MAP3K5: variants seen among roughly 807,000 people sequenced by gnomAD.
The protein encoded by MAP3K5 is mitogen-activated protein kinase kinase kinase 5.
Under a neutral mutation model 158.7 loss-of-function variants are expected in MAP3K5, and 56 were observed. That is an observed-to-expected ratio of 0.35 (90% confidence interval 0.28 to 0.44). MAP3K5 has a LOEUF of 0.44. Ranked by LOEUF, MAP3K5 falls within the 20% of genes least tolerant of loss-of-function variation. MAP3K5 has a pLI of 1.00. For missense variants in MAP3K5, 1,294 were observed against 1,674.8 expected, an observed-to-expected ratio of 0.77 and a Z score of 3.97; for synonymous variants, 579 against 601.7, an observed-to-expected ratio of 0.96 and a Z score of 0.55.
At chr6:136,756,441 A>G (rs899029451) in intron 1 of MAP3K5, among the ~76,000 whole-genome samples, 2 of 151,988 alleles carry the variant, frequency 1.3e-5, no homozygotes, top group African/African-American at 4.8e-5. Context: ...CCTTAAGGGT[A>G]TTGCCTTTTT....
At chr6:136,736,269 T>C (rs1468458681) in intron 1 of MAP3K5, among the ~76,000 whole-genome samples, 1 of 152,196 alleles carries the variant, frequency 6.6e-6, no homozygotes, top group Admixed American at 6.5e-5. Flanking sequence ...ATTCAACATC[T>C]CTAAAAGAGG....
chr6:136,737,031 G>GAGTATATATA (rs1782494312), intron 1 of MAP3K5, among the ~76,000 whole-genome samples: 1 of 67,446 alleles, frequency 1.5e-5, no homozygotes. Context: ...ATATATATAT[G>GAGTATATATA]TGTGTGTATA....
chr6:136,685,783 A>G (rs570140980), intron 7 of MAP3K5, among the ~76,000 whole-genome samples: 2 of 152,134 alleles, frequency 1.3e-5, no homozygotes, highest in South Asian at 2.1e-4. Flanking sequence ...GACTCAAAAG[A>G]AAAAAACAAG....
At position 136,609,465 on chromosome 6, in the gene MAP3K5, G is replaced by C. The variant is rs1371820636; in HGVS notation, c.2521+1817C>G. Among the ~76,000 whole-genome samples, 1 of 152,062 alleles carries C rather than the reference G, an allele frequency of 6.6e-6. No individual in the cohort carries two copies. The highest frequency in any genetic ancestry group is 6.6e-5 in the Admixed American group (1 of 15,256). ...TAGAGAGAAAGATGGACTAGAGCCA[G>C]AAGGTAAAAGCAAAGAGCAAACAGT... is the stretch of plus-strand genomic sequence containing the variant. On this transcript the variant is annotated intron_variant, in intron 18 of 29. Transcript: ENST00000359015. The surrounding 1 kb of genome is among the most constrained non-coding windows in gnomAD (Gnocchi z 4.4).
intron 3 of MAP3K5, among the ~76,000 whole-genome samples, chr6:136,703,559 A>G (rs1041553841): frequency 3.9e-5 from 6 of 152,244 alleles, no homozygotes; most frequent in African/African-American, 1.4e-4. Context: ...GCGCATGTCC[A>G]ATCAGTATTT....
At chr6:136,644,872 A>G (rs1235486735) in intron 11 of MAP3K5, among the ~76,000 whole-genome samples, 2 of 152,180 alleles carry the variant, frequency 1.3e-5, no homozygotes, top group Non-Finnish European at 2.9e-5. Flanking sequence ...TAAGAACATG[A>G]GACTAACACC....
At chr6:136,702,882 G>C (rs1223753612) in intron 3 of MAP3K5, among the ~76,000 whole-genome samples, 3 of 152,096 alleles carry the variant, frequency 2.0e-5, no homozygotes, top group African/African-American at 7.2e-5. Context: ...TTTTAGTAGA[G>C]ACAGGGTTTC....
At chr6:136,588,338 C>T (rs1775229802) in intron 23 of MAP3K5, among the ~76,000 whole-genome samples, 1 of 152,186 alleles carries the variant, frequency 6.6e-6, no homozygotes, top group Non-Finnish European at 1.5e-5. Flanking sequence ...CGGCAAACTA[C>T]TCAAGTCCTC....
At chr6:136,600,881 C>T (rs1775842462) in intron 21 of MAP3K5, 141 bp downstream of exon 21, 1 of 734,178 alleles carries the variant, frequency 1.4e-6, no homozygotes, top group Non-Finnish European at 2.3e-6. Context: ...CTGCACACAT[C>T]CTTATAGTAT....
chr6:136,723,250 T>C (rs536811834), intron 1 of MAP3K5, among the ~76,000 whole-genome samples: 29 of 151,844 alleles, frequency 1.9e-4, no homozygotes, highest in African/African-American at 6.5e-4. Flanking sequence ...TGGGATATCA[T>C]GAAACCAAAG....
intron 1 of MAP3K5, among the ~76,000 whole-genome samples, chr6:136,737,443 C>T (rs1412574344): frequency 2.6e-5 from 4 of 152,126 alleles, no homozygotes; most frequent in Admixed American, 6.5e-5. Flanking sequence ...GAACCAAAGA[C>T]CCTCACCAGC....
intron 3 of MAP3K5, among the ~76,000 whole-genome samples, chr6:136,701,427 A>G (rs1780850310): frequency 1.3e-5 from 2 of 152,236 alleles, no homozygotes; most frequent in African/African-American, 4.8e-5. Context: ...AAGAACCTCC[A>G]GAGAGTGAGA....
At chr6:136,660,313 G>T (rs1778949216) in intron 8 of MAP3K5, among the ~76,000 whole-genome samples, 1 of 152,084 alleles carries the variant, frequency 6.6e-6, no homozygotes, top group Admixed American at 6.6e-5. Flanking sequence ...GCACTTCGGA[G>T]GGCCGAGGTG....
At chr6:136,651,636 T>A (rs1778522828) in intron 10 of MAP3K5, among the ~76,000 whole-genome samples, 1 of 152,164 alleles carries the variant, frequency 6.6e-6, no homozygotes, top group African/African-American at 2.4e-5. Context: ...CTTAGCTATA[T>A]GAAATAATAA....
intron 8 of MAP3K5, among the ~76,000 whole-genome samples, chr6:136,662,544 CCTCT>C (rs1270573313): frequency 2.6e-5 from 4 of 151,034 alleles, no homozygotes; most frequent in Non-Finnish European, 4.4e-5. Flanking sequence ...CCTTTCTCTC[CCTCT>C]CTCTCTTCCT....
intron 18 of MAP3K5, among the ~76,000 whole-genome samples, chr6:136,610,921 C>T (rs550631428): frequency 1.2e-4 from 18 of 151,654 alleles, no homozygotes; most frequent in Non-Finnish European, 2.4e-4. Context: ...GCCTGGGCAA[C>T]ATGGTGAAAC....
chr6:136,630,423 C>T (rs192792132), intron 14 of MAP3K5: 2 of 151,502 alleles, frequency 1.3e-5, no homozygotes, highest in African/African-American at 4.9e-5. Flanking sequence ...CAATAGCTGT[C>T]CAAAAATATG....
intron 19 of MAP3K5, 136 bp from the exon 20 acceptor site, chr6:136,602,115 A>G (rs1433501061): frequency 1.5e-6 from 1 of 673,494 alleles, no homozygotes; most frequent in East Asian, 2.7e-5. Context: ...CTTTTCTCAA[A>G]GGGAGATAAG....
intron 8 of MAP3K5, among the ~76,000 whole-genome samples, chr6:136,660,261 A>G (rs948684885): frequency 6.6e-6 from 1 of 152,226 alleles, no homozygotes; most frequent in Non-Finnish European, 1.5e-5. Context: ...TTAAAGAAAT[A>G]AGGAAATATG....
Sources: gnomAD v4.1 joint callset for allele counts (sites outside exome capture counted in the v4.1 genomes callset) on GRCh38, gnomAD v4.1.1 for gene constraint, Gnocchi (gnomAD v3.1) non-coding constraint, MANE v1.5 for transcripts, NCBI Gene and HGNC (gene_info 2026-07-23, HGNC 2026-07-21) for gene names.